The following TMEM132D variants were observed in gnomAD, a reference collection of about 807,000 sequenced individuals.
TMEM132D encodes the protein transmembrane protein 132D, also known as mature OL transmembrane protein.
TMEM132D carries 21 observed loss-of-function variants against 62.3 expected under a neutral mutation model. The ratio of observed to expected loss-of-function variants is 0.34; its 90% CI spans 0.24 to 0.49. The LOEUF (loss-of-function observed/expected upper bound fraction) is 0.49, where lower values mean the gene tolerates loss of function less well. Ranked by LOEUF, TMEM132D falls within the 20% of genes least tolerant of loss-of-function variation. TMEM132D has a pLI of 0.99. For missense variants in TMEM132D, 1,346 were observed against 1,402.8 expected (o/e 0.96, Z 0.65); for synonymous variants, 621 against 575.6 (o/e 1.08, Z -1.13).
At chr12:129,599,420 T>G (rs969766291) in intron 2 of TMEM132D, among the ~76,000 whole-genome samples, 1 of 152,084 alleles carries the variant, frequency 6.6e-6, no homozygotes, top group Admixed American at 6.5e-5. Flanking sequence ...GCAAACAGGG[T>G]TTCCTTCCAG....
At chr12:129,415,251 A>G (rs938197018) in intron 3 of TMEM132D, among the ~76,000 whole-genome samples, 1 of 152,102 alleles carries the variant, frequency 6.6e-6, no homozygotes, top group African/African-American at 2.4e-5. Flanking sequence ...CCTACCTACC[A>G]TTTTCTGTAA....
chr12:129,462,436 A>G (rs1008131410), intron 3 of TMEM132D, among the ~76,000 whole-genome samples: 1 of 152,214 alleles, frequency 6.6e-6, no homozygotes, highest in African/African-American at 2.4e-5. Flanking sequence ...AAATAGTATT[A>G]CAGACAAAAA....
chr12:129,183,322 C>G (rs1338750036), intron 5 of TMEM132D, among the ~76,000 whole-genome samples: 1 of 152,182 alleles, frequency 6.6e-6, no homozygotes, highest in Non-Finnish European at 1.5e-5. Flanking sequence ...TGGCCGCTGT[C>G]GAGAGGTTGC....
At chr12:129,417,272 A>G (rs1454555237) in intron 3 of TMEM132D, among the ~76,000 whole-genome samples, 1 of 152,144 alleles carries the variant, frequency 6.6e-6, no homozygotes, top group Non-Finnish European at 1.5e-5. Context: ...ACAAAGCTGG[A>G]GGCATCATAC....
At chr12:129,225,444 G>C (rs1271735727) in intron 4 of TMEM132D, among the ~76,000 whole-genome samples, 1 of 152,130 alleles carries the variant, frequency 6.6e-6, no homozygotes, top group Non-Finnish European at 1.5e-5. Flanking sequence ...TGAGATGCAG[G>C]AGAATCGCCA....
intron 3 of TMEM132D, among the ~76,000 whole-genome samples, chr12:129,450,590 C>CA (rs1873244015): frequency 6.6e-6 from 1 of 152,024 alleles, no homozygotes; most frequent in South Asian, 2.1e-4. Context: ...TACTATGCTT[C>CA]AAAAAATATT....
intron 3 of TMEM132D, among the ~76,000 whole-genome samples, chr12:129,517,138 GGGGTGA>G (rs1463364803): frequency 1.3e-5 from 2 of 152,114 alleles, no homozygotes; most frequent in African/African-American, 2.4e-5. Context: ...AGGCATATTT[GGGGTGA>G]GGGTGAGGGT....
chr12:129,099,811 T>A (rs1209138383), intron 5 of TMEM132D, among the ~76,000 whole-genome samples: 5 of 143,036 alleles, frequency 3.5e-5, no homozygotes, highest in Admixed American at 6.6e-5. Context: ...ACTTTATTTT[T>A]TTTTATTTTT....
chr12:129,621,450 A>T (rs911802451), intron 2 of TMEM132D, among the ~76,000 whole-genome samples: 2 of 152,138 alleles, frequency 1.3e-5, no homozygotes, highest in Admixed American at 6.5e-5. Flanking sequence ...CTCCACTAGA[A>T]CGTACACTTG....
rs150550863 is a variant in TMEM132D, at chr12:129,605,604, T to TATATACAC, written c.969-74400_969-74399insGTGTATAT. 2.4e-4 allele frequency among the ~76,000 whole-genome samples: 25 copies of TATATACAC among 106,280 alleles called. No individual in the cohort carries two copies. The South Asian group carries it at 3.7e-3, about 16-fold the overall frequency. 69.7% of individuals were successfully genotyped at this position (106,280 alleles called of 152,430 possible). On this transcript the variant is annotated intron_variant, in intron 2 of 8. Coordinates refer to ENST00000422113, the MANE Select transcript of TMEM132D (RefSeq NM_133448.3). ...ATTAGGCATTATATATATATATATATACACACACATATATATATACACACA... is the reference window on the plus strand; with the variant it reads ...ATTAGGCATTATATATATATATATATATATACACACACACACATATATATATACACACA...
At chr12:129,490,418 CTTTCCTTTTTT>C (rs1566086562) in intron 3 of TMEM132D, among the ~76,000 whole-genome samples, 1 of 113,078 alleles carries the variant, frequency 8.8e-6, no homozygotes, top group African/African-American at 4.3e-5. Flanking sequence ...TCATAATTTC[CTTTCCTTTTTT>C]TTTTTTTTTT....
intron 2 of TMEM132D, among the ~76,000 whole-genome samples, chr12:129,583,371 A>T (rs1486147422): frequency 6.6e-6 from 1 of 152,210 alleles, no homozygotes; most frequent in Non-Finnish European, 1.5e-5. Flanking sequence ...GAATGACAAC[A>T]TGAAGGAAGT....
intron 2 of TMEM132D, among the ~76,000 whole-genome samples, chr12:129,639,830 T>C (rs1879596174): frequency 6.6e-6 from 1 of 152,110 alleles, no homozygotes. Context: ...AATTTTTTTT[T>C]CTCCATTTTT....
chr12:129,162,710 G>T (rs1041414368), intron 5 of TMEM132D, among the ~76,000 whole-genome samples: 1 of 152,122 alleles, frequency 6.6e-6, no homozygotes, highest in Admixed American at 6.5e-5. Flanking sequence ...CAAATGATGT[G>T]CCATCTCCCC....
chr12:129,541,747 G>A (rs1028721105), intron 2 of TMEM132D, among the ~76,000 whole-genome samples: 5 of 152,088 alleles, frequency 3.3e-5, no homozygotes, highest in African/African-American at 4.8e-5. Flanking sequence ...CCAGAGTCCC[G>A]CTCCTGTTGC....
rs564237181 is a variant in TMEM132D at position 129,460,316 on chromosome 12, G to T, written c.1115+70743C>A. ...AAGGTTTCATTCACACTTGAGAACT[G>T]CCACACATCTCCTCAATTTCTCCAC... On this transcript the variant is annotated intron_variant, in intron 3 of 8. Coordinates refer to ENST00000422113, the MANE Select transcript of TMEM132D (RefSeq NM_133448.3). Among the ~76,000 whole-genome samples, 5 of 152,244 alleles carry T rather than the reference G, an allele frequency of 3.3e-5. 1 individual carries two copies. In the South Asian group the frequency reaches 1.0e-3, roughly 32 times the overall value.
intron 4 of TMEM132D, among the ~76,000 whole-genome samples, chr12:129,296,932 TC>T (rs1881593521): frequency 6.6e-6 from 1 of 152,222 alleles, no homozygotes; most frequent in Non-Finnish European, 1.5e-5. Context: ...GGAATGCTTC[TC>T]AGAACTCTCC....
At chr12:129,818,645 ACTTT>A (rs1328007269) in intron 1 of TMEM132D, among the ~76,000 whole-genome samples, 2 of 151,712 alleles carry the variant, frequency 1.3e-5, no homozygotes, top group African/African-American at 4.8e-5. Flanking sequence ...TTATGTAAAT[ACTTT>A]CTTTCAAGAC....
At position 129,265,316 on chromosome 12, in the gene TMEM132D, G is replaced by A. The variant is rs1338857064; in HGVS notation, c.1300-55653C>T. On this transcript the variant is annotated intron_variant, in intron 4 of 8. Transcript: ENST00000422113. ...TCAATAAAGAAAAAGTGGTTTGAAT[G>A]CTAGGAAGCTAAAAGAACAAATGTC... Among the ~76,000 whole-genome samples the A allele has an allele frequency of 2.6e-5, 4 of 152,160 alleles. No homozygotes were observed. The South Asian group carries it at 8.3e-4, about 31-fold the overall frequency.
Sources: gnomAD v4.1 joint callset for allele counts (sites outside exome capture counted in the v4.1 genomes callset) on GRCh38, gnomAD v4.1.1 for gene constraint, MANE v1.5 for transcripts, NCBI Gene and HGNC (gene_info 2026-07-23, HGNC 2026-07-21) for gene names.